ATP8B4: variants seen among roughly 807,000 people sequenced by gnomAD.
ATP8B4 encodes the protein ATPase phospholipid transporting 8B4 (putative), also known as probable phospholipid-transporting ATPase IM.
Under a neutral mutation model 145.6 loss-of-function variants are expected in ATP8B4, and 133 were observed. The ratio of observed to expected loss-of-function variants is 0.91; its 90% confidence interval spans 0.79 to 1.05. The LOEUF (loss-of-function observed/expected upper bound fraction) is 1.05. ATP8B4 is among the 50% of genes least tolerant of loss of function. The pLI, the probability that ATP8B4 is intolerant of heterozygous loss-of-function variation, is 0.00. For missense variants in ATP8B4, 1,458 were observed against 1,425.2 expected (o/e 1.02, Z -0.37); for synonymous variants, 507 against 492.9 (o/e 1.03, Z -0.38).
rs115713690 is a variant in ATP8B4 at position 49,961,836 on chromosome 15, T to C, written c.1287+141A>G. Reference sequence around the variant, plus strand: ...TAATATGAGAAGGAATTTTGAATCATATTAATCTATTTTTTAATGCTATGC... The same window carrying C: ...TAATATGAGAAGGAATTTTGAATCACATTAATCTATTTTTTAATGCTATGC... On this transcript the variant is annotated intron_variant, in intron 14 of 27. Transcript: ENST00000284509. 1.9e-3 allele frequency: 1,304 copies of C among 674,674 alleles called. 18 individuals carry two copies. The African/African-American group carries it at 0.023, about 12-fold the overall frequency. 41.8% of individuals were successfully genotyped at this position (674,674 alleles called of 1,614,324 possible).
chr15:50,176,528 T>G (rs994330514), intron 1 of ATP8B4, among the ~76,000 whole-genome samples: 9 of 151,890 alleles, frequency 5.9e-5, no homozygotes, highest in Admixed American at 5.9e-4. Context: ...AATAAAATAT[T>G]TTTTAAATTA....
intron 20 of ATP8B4, among the ~76,000 whole-genome samples, chr15:49,905,849 C>CAT (rs1473877469): frequency 6.6e-6 from 1 of 152,068 alleles, no homozygotes; most frequent in African/African-American, 2.4e-5. Context: ...ATCCATAATT[C>CAT]TATCACCCAG....
upstream of ATP8B4, among the ~76,000 whole-genome samples, chr15:50,123,563 A>G (rs1484107592): frequency 6.6e-6 from 1 of 152,176 alleles, no homozygotes; most frequent in Non-Finnish European, 1.5e-5. Flanking sequence ...ACCAATCAGC[A>G]TTCCCCACTT....
rs777303029 is a variant in ATP8B4, at chr15:49,860,216, T to C, written c.3557A>G (p.Gln1186Arg). The change falls in exon 28 of 28, where the codon CAG (glutamine) becomes CGG (arginine). Residue 1186 changes from glutamine (Q) to arginine (R), a missense_variant. Transcript: ENST00000284509. ...KTTDTVSSFS[Q>R]DKTVKL Reference sequence around the variant, plus strand: ...GACTCACAGTTTCACTGTTTTATCCTGGCTAAAGCTGCTCACGGTGTCTGT... The same window carrying C: ...GACTCACAGTTTCACTGTTTTATCCCGGCTAAAGCTGCTCACGGTGTCTGT... 3.1e-6 allele frequency: 5 copies of C among 1,613,194 alleles called. No homozygotes were observed. The highest frequency in any genetic ancestry group is 4.2e-6 in the Non-Finnish European group (5 of 1,179,724).
intron 14 of ATP8B4, among the ~76,000 whole-genome samples, chr15:49,960,499 G>C (rs1784284433): frequency 6.6e-6 from 1 of 152,116 alleles, no homozygotes; most frequent in South Asian, 2.1e-4. Flanking sequence ...TAATCATCTA[G>C]AGAAAAATAT....
chr15:50,060,958 T>A (rs898687150), intron 3 of ATP8B4, among the ~76,000 whole-genome samples: 15 of 152,196 alleles, frequency 9.9e-5, no homozygotes, highest in African/African-American at 3.6e-4. Context: ...CAAAAGTTGA[T>A]ATAAGTTAAA....
chr15:50,106,332 T>C (rs1363927554), intron 2 of ATP8B4, among the ~76,000 whole-genome samples: 2 of 152,082 alleles, frequency 1.3e-5, no homozygotes, highest in Non-Finnish European at 2.9e-5. Flanking sequence ...ATCAACACTC[T>C]CTGGTGTGGA....
At chr15:49,885,215 A>C (rs955926608) in intron 23 of ATP8B4, among the ~76,000 whole-genome samples, 5 of 152,122 alleles carry the variant, frequency 3.3e-5, no homozygotes, top group African/African-American at 1.2e-4. Context: ...TATCTGGCTC[A>C]TTCCTGCCTC....
At chr15:49,890,041 G>A (rs1436482938) in intron 23 of ATP8B4, among the ~76,000 whole-genome samples, 1 of 152,086 alleles carries the variant, frequency 6.6e-6, no homozygotes, top group East Asian at 1.9e-4. Flanking sequence ...GGAGATTATG[G>A]GATTTTTCAA....
intron 12 of ATP8B4, 113 bp downstream of exon 12, chr15:49,979,504 A>G (rs1011615485): frequency 1.2e-6 from 1 of 812,242 alleles, no homozygotes; most frequent in African/African-American, 1.7e-5. Context: ...GTTGCAGATC[A>G]TAAGCAGTTA....
chr15:50,123,139 A>C (rs950820684), upstream of ATP8B4, among the ~76,000 whole-genome samples: 2 of 152,174 alleles, frequency 1.3e-5, no homozygotes, highest in South Asian at 2.1e-4. Flanking sequence ...ATCAGAACAG[A>C]TAGGAGACTG....
At chr15:49,874,923 A>C (rs2034170725) in intron 25 of ATP8B4, among the ~76,000 whole-genome samples, 1 of 152,224 alleles carries the variant, frequency 6.6e-6, no homozygotes, top group African/African-American at 2.4e-5. Context: ...AGTTAATATA[A>C]AAACATGGCA....
At chr15:50,154,420 T>C in intron 1 of ATP8B4, among the ~76,000 whole-genome samples, 1 of 152,160 alleles carries the variant, frequency 6.6e-6, no homozygotes, top group East Asian at 1.9e-4. Context: ...AAAAAACACA[T>C]TTTATGTCTT....
intron 13 of ATP8B4, among the ~76,000 whole-genome samples, chr15:49,966,458 G>C (rs2044550750): frequency 6.6e-6 from 1 of 152,174 alleles, no homozygotes; most frequent in African/African-American, 2.4e-5. Context: ...CCATTACGGA[G>C]GCTTGAGTAG....
chr15:49,867,134 G>C (rs1371963287), intron 25 of ATP8B4, among the ~76,000 whole-genome samples: 1 of 152,188 alleles, frequency 6.6e-6, no homozygotes, highest in Non-Finnish European at 1.5e-5. Flanking sequence ...TCTGCTACTG[G>C]AGAATCAAGG....
chr15:49,978,422 A>G (rs2045860554), intron 12 of ATP8B4, among the ~76,000 whole-genome samples: 2 of 152,160 alleles, frequency 1.3e-5, no homozygotes, highest in Non-Finnish European at 2.9e-5. Flanking sequence ...CCACTACTTC[A>G]AGTGAATTTC....
intron 3 of ATP8B4, among the ~76,000 whole-genome samples, chr15:50,056,667 A>C (rs1411110366): frequency 6.6e-6 from 1 of 151,734 alleles, no homozygotes; most frequent in Admixed American, 6.6e-5. Flanking sequence ...ACTAACATTT[A>C]ATTACTATAC....
rs1473228286 is a variant in ATP8B4, at chr15:49,866,232, T to G, written c.3166+114A>C. 2.3e-5 allele frequency: 33 copies of G among 1,415,594 alleles called. No individual in the cohort carries two copies. The East Asian group carries it at 8.0e-4, about 34-fold the overall frequency. The allele number at this position is 1,415,594 out of a possible 1,614,324, so 87.7% of individuals were successfully genotyped here. ...CCTTCAGATGCCTGGCTCAAACAAT[T>G]TCTGGACAAAGGATCACTAATCATC... On this transcript the variant is annotated intron_variant, in intron 26 of 27. Transcript: ENST00000284509.
At chr15:50,070,459 A>G (rs1242813543) in intron 3 of ATP8B4, among the ~76,000 whole-genome samples, 1 of 152,210 alleles carries the variant, frequency 6.6e-6, no homozygotes, top group Non-Finnish European at 1.5e-5. Flanking sequence ...AGCAGAATAG[A>G]CTGAGGCTGA....
Sources: allele counts gnomAD v4.1 joint callset (sites outside exome capture counted in the v4.1 genomes callset), GRCh38; gene constraint gnomAD v4.1.1; transcripts MANE v1.5; gene names NCBI Gene and HGNC (gene_info 2026-07-23, HGNC 2026-07-21).